The following DOCK8 variants were observed in gnomAD, a reference collection of about 807,000 sequenced individuals.
DOCK8 encodes the protein dedicator of cytokinesis 8.
A neutral mutation model predicts 245.6 loss-of-function variants in DOCK8; 141 were observed. The ratio of observed to expected loss-of-function variants is 0.57; its 90% CI spans 0.50 to 0.66. DOCK8 has a LOEUF of 0.66. Among genes scored for constraint, DOCK8 ranks in the 30% least tolerant of loss-of-function variants. The pLI is 0.00. For missense variants in DOCK8, 2,965 were observed against 2,603.4 expected, an observed-to-expected ratio of 1.14 and a Z score of -3.02; for synonymous variants, 1,168 against 970.2, an observed-to-expected ratio of 1.20 and a Z score of -3.79.
At chr9:269,552 C>CTTTTTTT (rs57326015) in intron 1 of DOCK8, among the ~76,000 whole-genome samples, 1 of 104,998 alleles carries the variant, frequency 9.5e-6, no homozygotes, top group Non-Finnish European at 2.0e-5. Context: ...GTGTGGTTGT[C>CTTTTTTT]TTTTTTTTTT....
At chr9:227,327 G>A (rs1587618397) in intron 1 of DOCK8, among the ~76,000 whole-genome samples, 1 of 152,190 alleles carries the variant, frequency 6.6e-6, no homozygotes, top group Non-Finnish European at 1.5e-5. Flanking sequence ...TGTTTAAGAC[G>A]ATGTAGTAGA....
At chr9:412,850 C>T (rs2055809607) in intron 28 of DOCK8, among the ~76,000 whole-genome samples, 1 of 148,770 alleles carries the variant, frequency 6.7e-6, no homozygotes, top group Admixed American at 6.7e-5. Context: ...AGATTAAATG[C>T]AGTTCTTCTC....
chr9:323,674 C>T (rs572047893), intron 7 of DOCK8, among the ~76,000 whole-genome samples: 1 of 152,172 alleles, frequency 6.6e-6, no homozygotes. Flanking sequence ...ATTCTCCCTA[C>T]TCCCCAGCCC....
chr9:378,877 A>C (rs1480065687), intron 20 of DOCK8, among the ~76,000 whole-genome samples: 1 of 152,252 alleles, frequency 6.6e-6, no homozygotes, highest in Non-Finnish European at 1.5e-5. Flanking sequence ...GAAGGATTCC[A>C]GCTTTCACAG....
intron 1 of DOCK8, among the ~76,000 whole-genome samples, chr9:232,709 G>A (rs948817272): frequency 7.2e-5 from 11 of 152,128 alleles, no homozygotes; most frequent in Non-Finnish European, 1.3e-4. Flanking sequence ...ATTCTCTGAT[G>A]GTAGTTTGTA....
intron 8 of DOCK8, among the ~76,000 whole-genome samples, chr9:327,051 A>G (rs2050794617): frequency 1.3e-5 from 2 of 152,068 alleles, no homozygotes; most frequent in African/African-American, 4.8e-5. Flanking sequence ...ATTCCCTACA[A>G]CCAGGCTTTC....
chr9:432,356 T>C, intron 37 of DOCK8, 32 bp downstream of exon 37: 1 of 1,611,770 alleles, frequency 6.2e-7, no homozygotes, highest in African/African-American at 1.3e-5. Context: ...GTCTCATGCA[T>C]GAGTTTGGGA....
intron 40 of DOCK8, 92 bp from the exon 41 acceptor site, chr9:441,194 T>G: frequency 1.9e-6 from 3 of 1,561,066 alleles, no homozygotes; most frequent in Non-Finnish European, 2.6e-6. Flanking sequence ...AAATTCACTC[T>G]CCAGCACATT....
At chr9:264,603 G>C (rs190835010) in intron 1 of DOCK8, among the ~76,000 whole-genome samples, 9 of 152,308 alleles carry the variant, frequency 5.9e-5, no homozygotes, top group Admixed American at 1.3e-4. Flanking sequence ...CTGAAAATAT[G>C]TATGCATATA....
chr9:434,342 A>G (rs1017865540), intron 38 of DOCK8, among the ~76,000 whole-genome samples: 1 of 152,198 alleles, frequency 6.6e-6, no homozygotes, highest in African/African-American at 2.4e-5. Context: ...TTTAGAAATC[A>G]TTTTTTACGC....
intron 6 of DOCK8, among the ~76,000 whole-genome samples, chr9:313,572 A>G (rs1218156589): frequency 2.6e-5 from 4 of 152,238 alleles, no homozygotes; most frequent in Non-Finnish European, 5.9e-5. Context: ...TGGATCTCAT[A>G]GAAACAGAGT....
chr9:345,045 A>T (rs1407679659), intron 14 of DOCK8, among the ~76,000 whole-genome samples: 1 of 151,560 alleles, frequency 6.6e-6, no homozygotes, highest in Non-Finnish European at 1.5e-5. Flanking sequence ...GAGCAAAAAA[A>T]CTCTGTCTCA....
chr9:451,403 C>T (rs1281024576), intron 45 of DOCK8, among the ~76,000 whole-genome samples: 1 of 151,090 alleles, frequency 6.6e-6, no homozygotes, highest in African/African-American at 2.4e-5. Flanking sequence ...TGGGTGGATC[C>T]CTTGAGGCCA....
At chr9:379,544 A>G (rs1420356428) in intron 20 of DOCK8, among the ~76,000 whole-genome samples, 1 of 152,160 alleles carries the variant, frequency 6.6e-6, no homozygotes, top group Non-Finnish European at 1.5e-5. Context: ...ATTAAAAACC[A>G]TCAATGCTAT....
chr9:256,954 C>T (rs2047790651), intron 1 of DOCK8, among the ~76,000 whole-genome samples: 3 of 152,214 alleles, frequency 2.0e-5, no homozygotes, highest in South Asian at 4.1e-4. Flanking sequence ...AAGAGATTCT[C>T]GTCATTCTAC....
chr9:214,645 C>T, upstream of DOCK8: 2 of 1,610,974 alleles, frequency 1.2e-6, no homozygotes, highest in Non-Finnish European at 1.7e-6. Context: ...GTCGTCCGCC[C>T]GCGCTCCCTT....
At chr9:450,491 T>A (rs1460003462) in intron 45 of DOCK8, among the ~76,000 whole-genome samples, 2 of 152,154 alleles carry the variant, frequency 1.3e-5, no homozygotes, top group African/African-American at 4.8e-5. Flanking sequence ...TTCAGCATGG[T>A]GCTCAAGCAG....
chr9:215,478 G>T lies in DOCK8; in HGVS notation c.53+449G>T. The T allele has an allele frequency of 6.1e-6, 9 of 1,474,090 alleles. No homozygotes were observed. In the South Asian group the frequency reaches 9.9e-5, roughly 16 times the overall value. The allele number at this position is 1,474,090 out of a possible 1,614,324, so 91.3% of individuals were successfully genotyped here. On this transcript the variant is annotated intron_variant, in intron 1 of 47. Transcript: ENST00000432829. ...GAAATTAGAGTTGCGTTTGAGGCAGGCTGCAAGCCTTCTGTCGTCCTGAGC... is the reference window on the plus strand; with the variant it reads ...GAAATTAGAGTTGCGTTTGAGGCAGTCTGCAAGCCTTCTGTCGTCCTGAGC...
intron 14 of DOCK8, chr9:340,648 G>A (rs968070568): frequency 4.6e-6 from 1 of 219,076 alleles, no homozygotes; most frequent in African/African-American, 2.3e-5. Context: ...AGAAAAGCAG[G>A]TTCTTGGAAA....
Sources: gnomAD v4.1 joint callset for allele counts (sites outside exome capture counted in the v4.1 genomes callset) on GRCh38, gnomAD v4.1.1 for gene constraint, MANE v1.5 for transcripts, NCBI Gene and HGNC (gene_info 2026-07-23, HGNC 2026-07-21) for gene names.